The following SYN2 variants were observed in gnomAD, a reference collection of about 807,000 sequenced individuals.
The protein encoded by SYN2 is synapsin II.
In SYN2, 19 loss-of-function variants were observed where a neutral mutation model predicts 50.9. The observed-to-expected ratio is 0.37, with a 90% CI of 0.26 to 0.55. The LOEUF (loss-of-function observed/expected upper bound fraction) is 0.55. Among genes scored for constraint, SYN2 ranks in the 20% least tolerant of loss-of-function variants. The pLI is 0.81. For missense variants in SYN2, 587 were observed against 576.4 expected, an observed-to-expected ratio of 1.02 and a Z score of -0.19; for synonymous variants, 255 against 224.9, an observed-to-expected ratio of 1.13 and a Z score of -1.20.
chr3:12,016,810 C>T (rs1054957596), intron 1 of SYN2, among the ~76,000 whole-genome samples: 3 of 152,026 alleles, frequency 2.0e-5, no homozygotes, highest in African/African-American at 7.2e-5. Flanking sequence ...GAGCTGAGAT[C>T]GCGCCACTGC....
rs372763896 is a variant in SYN2 at position 12,040,502 on chromosome 3, G to A, written c.377+35574G>A. Among the ~76,000 whole-genome samples the A allele has an allele frequency of 2.4e-4, 35 of 146,870 alleles. 1 individual carries two copies. In the East Asian group the frequency reaches 5.4e-3, roughly 23 times the overall value. On this transcript the variant is annotated intron_variant, in intron 1 of 12. Coordinates refer to ENST00000621198, the MANE Select transcript of SYN2 (RefSeq NM_133625.6). ...GGCTGGAGTGCGGTGGCGTGATCTC[G>A]GCTCACTGCAAGCTCTGCCTCCCGG... is the stretch of plus-strand genomic sequence containing the variant.
rs1205826423 is a variant in SYN2, at chr3:12,187,554, G to A, written c.1555G>A (p.Glu519Lys). Reference protein sequence around the residue: ...DAPSSSSSLAEAQPPLAAPPQ... With the variant: ...DAPSSSSSLAKAQPPLAAPPQ... ...ACCCTCCAGCAGCAGCTCCCTGGCA[G>A]AGGCCCAGCCACCCCTGGCTGCTCC... The change falls in exon 12 of 13, where the codon GAG (glutamate) becomes AAG (lysine). Residue 519 changes from glutamate to lysine, a missense_variant. By Grantham distance (56) the Glu-to-Lys change is moderately conservative. Coordinates refer to ENST00000621198, the MANE Select transcript of SYN2 (RefSeq NM_133625.6). 7 of 1,552,322 alleles carry A rather than the reference G, an allele frequency of 4.5e-6. No homozygotes were observed. The highest frequency in any genetic ancestry group is 5.2e-6 in the Non-Finnish European group (6 of 1,147,298).
At chr3:12,071,445 C>T (rs1271032305) in intron 1 of SYN2, 2 of 502,658 alleles carry the variant, frequency 4.0e-6, no homozygotes, top group East Asian at 1.1e-4. Context: ...GCATACACTT[C>T]ATGCTAGCCT....
intron 10 of SYN2, among the ~76,000 whole-genome samples, chr3:12,179,611 G>T (rs1266262189): frequency 6.6e-6 from 1 of 152,078 alleles, no homozygotes; most frequent in Non-Finnish European, 1.5e-5. Flanking sequence ...TGCTTCCATG[G>T]TTACCTCATT....
chr3:12,038,506 TG>T (rs1694548845), intron 1 of SYN2, among the ~76,000 whole-genome samples: 1 of 152,164 alleles, frequency 6.6e-6, no homozygotes. Flanking sequence ...TAGATTAATT[TG>T]GAGATATTGG....
chr3:12,141,876 G>A (rs1442912100), intron 2 of SYN2, 29 bp from the exon 3 acceptor site: 1 of 780,636 alleles, frequency 1.3e-6, no homozygotes. Context: ...TCAGGATTGT[G>A]AACTTATTCC....
intron 5 of SYN2, among the ~76,000 whole-genome samples, chr3:12,156,448 T>C (rs988228454): frequency 2.0e-5 from 3 of 152,250 alleles, no homozygotes; most frequent in Non-Finnish European, 2.9e-5. Context: ...TTAAGTCCTG[T>C]GCAAAAGGCA....
intron 1 of SYN2, among the ~76,000 whole-genome samples, chr3:12,089,046 A>G (rs574762663): frequency 6.6e-6 from 1 of 152,370 alleles, no homozygotes; most frequent in Admixed American, 6.5e-5. Flanking sequence ...ACAAAAAACA[A>G]TAGGTAAAAT....
intron 1 of SYN2, among the ~76,000 whole-genome samples, chr3:12,099,286 C>CTT (rs1696015607): frequency 6.6e-6 from 1 of 152,116 alleles, no homozygotes; most frequent in South Asian, 2.1e-4. Flanking sequence ...ATGGAACATT[C>CTT]TTTAAGATGG....
At chr3:12,041,898 T>C (rs1574904789) in intron 1 of SYN2, among the ~76,000 whole-genome samples, 2 of 152,332 alleles carry the variant, frequency 1.3e-5, no homozygotes, top group African/African-American at 2.4e-5. Context: ...TTTCCACTTA[T>C]ATCCCTCGCT....
In SYN2 at chr3:12,128,117, T is replaced by A. The variant is rs75100401; in HGVS notation, c.378-12534T>A. On this transcript the variant is annotated intron_variant, in intron 1 of 12. Coordinates refer to ENST00000621198, the MANE Select transcript of SYN2 (RefSeq NM_133625.6). ...TAGCCACCATGCCAGACTAATTTTT[T>A]ATTTTTTTGTAGAGACAGAATCTCA... Among the ~76,000 whole-genome samples, 309 of 152,058 alleles carry A rather than the reference T, an allele frequency of 2.0e-3. 4 individuals carry two copies. The highest frequency in any genetic ancestry group is 0.016 in the East Asian group (81 of 5,176).
chr3:12,092,286 T>TAAG (rs754140355), intron 1 of SYN2, among the ~76,000 whole-genome samples: 82 of 152,324 alleles, frequency 5.4e-4, no homozygotes, highest in Non-Finnish European at 1.1e-3. Flanking sequence ...TTTCTAAAGA[T>TAAG]AATTAGGATT....
intron 1 of SYN2, among the ~76,000 whole-genome samples, chr3:12,023,599 A>G (rs189848712): frequency 2.3e-4 from 35 of 152,346 alleles, no homozygotes; most frequent in African/African-American, 8.2e-4. Flanking sequence ...TAATCTTTGA[A>G]TAGTAGGATG....
intron 1 of SYN2, among the ~76,000 whole-genome samples, chr3:12,081,697 C>G (rs1049274922): frequency 6.6e-6 from 1 of 152,100 alleles, no homozygotes; most frequent in South Asian, 2.1e-4. Context: ...CCATCTAATC[C>G]GTCATTCTTC....
chr3:12,130,888 A>G (rs917382940), intron 1 of SYN2, among the ~76,000 whole-genome samples: 1 of 152,254 alleles, frequency 6.6e-6, no homozygotes. Flanking sequence ...TTCCAGAAGG[A>G]GGAGAAACTA....
chr3:12,189,484 G>T (rs1291064640), intron 12 of SYN2, among the ~76,000 whole-genome samples: 1 of 152,148 alleles, frequency 6.6e-6, no homozygotes, highest in African/African-American at 2.4e-5. Flanking sequence ...TCTGAGGAGG[G>T]TTACAAGGGT....
At chr3:12,151,104 C>A in intron 4 of SYN2, 133 bp from the exon 5 acceptor site, 1 of 649,388 alleles carries the variant, frequency 1.5e-6, no homozygotes, top group Admixed American at 2.5e-5. Flanking sequence ...TTGTACACTT[C>A]TTTTATATCC....
chr3:12,030,278 C>T (rs1209436173), intron 1 of SYN2, among the ~76,000 whole-genome samples: 2 of 125,822 alleles, frequency 1.6e-5, no homozygotes, highest in African/African-American at 5.6e-5. Context: ...GATTCGGTTT[C>T]CCAGTATTTT....
At chr3:12,045,469 T>G (rs1031889817) in intron 1 of SYN2, among the ~76,000 whole-genome samples, 1 of 152,176 alleles carries the variant, frequency 6.6e-6, no homozygotes, top group African/African-American at 2.4e-5. Flanking sequence ...GTCTCTACTG[T>G]TTTCCAATTT....
Sources: gnomAD v4.1 joint callset for allele counts (sites outside exome capture counted in the v4.1 genomes callset) on GRCh38, gnomAD v4.1.1 for gene constraint, MANE v1.5 for transcripts, NCBI Gene and HGNC (gene_info 2026-07-23, HGNC 2026-07-21) for gene names.